Variants in TMEM132C observed in about 807,000 individuals in gnomAD.
TMEM132C encodes transmembrane protein 132C, also known as protein phosphatase 1, regulatory subunit 152.
TMEM132C carries 29 observed loss-of-function variants against 61.4 expected under a neutral mutation model. That is an observed-to-expected ratio of 0.47 (90% CI 0.35 to 0.64). TMEM132C has a LOEUF of 0.64. TMEM132C is among the 30% of genes least tolerant of loss of function. TMEM132C has a pLI of 0.00. For missense variants in TMEM132C, 1,408 were observed against 1,476.9 expected, an observed-to-expected ratio of 0.95 and a Z score of 0.76; for synonymous variants, 656 against 633.1, an observed-to-expected ratio of 1.04 and a Z score of -0.54.
intron 1 of TMEM132C, among the ~76,000 whole-genome samples, chr12:128,380,747 TA>T (rs948120855): frequency 3.3e-5 from 5 of 151,976 alleles, no homozygotes; most frequent in Non-Finnish European, 5.9e-5. Context: ...CCCATCTCTT[TA>T]AAAAAAAGAG....
intron 4 of TMEM132C, among the ~76,000 whole-genome samples, chr12:128,623,982 T>C (rs566778012): frequency 1.1e-4 from 17 of 152,244 alleles, no homozygotes; most frequent in African/African-American, 3.6e-4. Flanking sequence ...TCCAGGTCAA[T>C]TGGAGTTTGC....
rs75853892 is a variant in TMEM132C at position 128,429,179 on chromosome 12, T to C, written c.974+13559T>C. ...CACTTTCCCGGAGATATCTGCAATG[T>C]CTGGAGACATTTTTGGTTGTCAAAA... On this transcript the variant is annotated intron_variant, in intron 2 of 8. Coordinates refer to ENST00000435159, the MANE Select transcript of TMEM132C (RefSeq NM_001136103.3). Among the ~76,000 whole-genome samples the C allele has an allele frequency of 8.0e-3, 1,217 of 152,210 alleles. 17 individuals carry two copies. The highest frequency in any genetic ancestry group is 0.028 in the African/African-American group (1,147 of 41,514).
At chr12:128,620,147 G>A (rs531195739) in intron 4 of TMEM132C, among the ~76,000 whole-genome samples, 5 of 148,236 alleles carry the variant, frequency 3.4e-5, no homozygotes, top group African/African-American at 7.6e-5. Context: ...TGGGAGGATC[G>A]CTTAAGCCCA....
chr12:128,610,087 A>T (rs1334554912), intron 3 of TMEM132C, among the ~76,000 whole-genome samples: 1 of 152,246 alleles, frequency 6.6e-6, no homozygotes, highest in Non-Finnish European at 1.5e-5. Context: ...AGATGTGAGT[A>T]TTGACATTAG....
chr12:128,406,191 G>A (rs997381186), intron 1 of TMEM132C, among the ~76,000 whole-genome samples: 7 of 152,180 alleles, frequency 4.6e-5, no homozygotes, highest in African/African-American at 1.7e-4. Flanking sequence ...GAGAAGTTCT[G>A]CCTTCCAGCA....
At chr12:128,682,137 T>A (rs1954640424) in intron 5 of TMEM132C, among the ~76,000 whole-genome samples, 1 of 152,174 alleles carries the variant, frequency 6.6e-6, no homozygotes, top group Non-Finnish European at 1.5e-5. Context: ...TCTGATTGGC[T>A]TAGGCCATCG....
chr12:128,360,964 C>A (rs1431130354), intron 1 of TMEM132C, among the ~76,000 whole-genome samples: 1 of 152,196 alleles, frequency 6.6e-6, no homozygotes, highest in Non-Finnish European at 1.5e-5. Flanking sequence ...TTCTCATTCA[C>A]TGACTCAACA....
chr12:128,413,271 C>T (rs1593044325), intron 1 of TMEM132C, among the ~76,000 whole-genome samples: 1 of 114,248 alleles, frequency 8.8e-6, no homozygotes, highest in East Asian at 3.2e-4. Flanking sequence ...TGCACTCCAG[C>T]CTGGGCGACA....
chr12:128,506,917 G>A (rs965909811), intron 2 of TMEM132C, among the ~76,000 whole-genome samples: 1 of 152,110 alleles, frequency 6.6e-6, no homozygotes, highest in African/African-American at 2.4e-5. Context: ...CTTTGCTGTA[G>A]CTGATGGGAA....
At chr12:128,572,234 C>A (rs940892517) in intron 3 of TMEM132C, among the ~76,000 whole-genome samples, 11 of 146,274 alleles carry the variant, frequency 7.5e-5, no homozygotes, top group African/African-American at 3.0e-4. Context: ...AGGCCTGGGT[C>A]ACAGGCCCAC....
chr12:128,605,204 G>A lies in TMEM132C; in HGVS notation c.1122-10948G>A, dbSNP rs373660377. On this transcript the variant is annotated intron_variant, in intron 3 of 8. Transcript: ENST00000435159. The stretch of plus-strand genomic sequence containing the variant: ...GCAATTATAGAGGCTGGCAAGTCCC[G>A]AAAACTGCAGTTGTCAAGCCGAAGA... 5.9e-5 allele frequency among the ~76,000 whole-genome samples: 9 copies of A among 152,180 alleles called. No individual in the cohort carries two copies. In the South Asian group the frequency reaches 1.7e-3, roughly 28 times the overall value.
intron 4 of TMEM132C, among the ~76,000 whole-genome samples, chr12:128,643,872 G>A (rs1954176268): frequency 6.6e-6 from 1 of 151,978 alleles, no homozygotes; most frequent in African/African-American, 2.4e-5. Flanking sequence ...TAAGTATGAT[G>A]TTACAGTAAT....
At chr12:128,412,865 C>T (rs1167326537) in intron 1 of TMEM132C, among the ~76,000 whole-genome samples, 7 of 152,192 alleles carry the variant, frequency 4.6e-5, no homozygotes. Context: ...TTTTTGAAAG[C>T]ACTCCATATT....
intron 5 of TMEM132C, among the ~76,000 whole-genome samples, chr12:128,685,347 A>G (rs1359618677): frequency 6.6e-6 from 1 of 152,144 alleles, no homozygotes; most frequent in African/African-American, 2.4e-5. Flanking sequence ...ATTGCAATTT[A>G]TTCTTGCTTA....
chr12:128,536,319 C>T (rs1018681182), intron 2 of TMEM132C, among the ~76,000 whole-genome samples: 3 of 151,992 alleles, frequency 2.0e-5, no homozygotes, highest in African/African-American at 7.3e-5. Flanking sequence ...CATGTTCTCA[C>T]TCATAGGTGG....
chr12:128,327,679 G>A (rs1044042959), intron 1 of TMEM132C, among the ~76,000 whole-genome samples: 19 of 152,226 alleles, frequency 1.2e-4, no homozygotes, highest in East Asian at 3.9e-4. Flanking sequence ...CACTGCGCCC[G>A]GCTGCAGCTT....
rs573464750 is a variant in TMEM132C, at chr12:128,281,810, G to C, written c.85+14323G>C. Reference sequence around the variant, plus strand: ...TTCCTGTTGGGTGGCCTCTGTTCAAGATTCCAGCTCCCACTGACCTTGAGG... The same window carrying C: ...TTCCTGTTGGGTGGCCTCTGTTCAACATTCCAGCTCCCACTGACCTTGAGG... On this transcript the variant is annotated intron_variant, in intron 1 of 8. Coordinates refer to ENST00000435159, the MANE Select transcript of TMEM132C (RefSeq NM_001136103.3). Among the ~76,000 whole-genome samples, 3 of 152,300 alleles carry C rather than the reference G, an allele frequency of 2.0e-5. No individual in the cohort carries two copies. In the East Asian group the frequency reaches 5.8e-4, roughly 29 times the overall value.
At position 128,624,543 on chromosome 12, in the gene TMEM132C, CAAAAAAA is replaced by C. The variant is rs752979852; in HGVS notation, c.1305+8226_1305+8232del. On this transcript the variant is annotated intron_variant, in intron 4 of 8. Transcript: ENST00000435159. ...TGGGTGATAGAGTGAGACTCCATCT[CAAAAAAA>C]AAAAAAAAAAAAAAAAAGGAATGAA... Among the ~76,000 whole-genome samples the C allele has an allele frequency of 7.0e-4, 23 of 32,908 alleles. No homozygotes were observed. In the South Asian group the frequency reaches 0.019, roughly 28 times the overall value. The allele number at this position is 32,908 out of a possible 152,430, so 21.6% of individuals were successfully genotyped here. A position where few individuals can be genotyped will look rare whatever the true frequency, so the allele number is the denominator to read the frequency against.
intron 2 of TMEM132C, among the ~76,000 whole-genome samples, chr12:128,469,712 ATG>A (rs1011101968): frequency 2.8e-4 from 42 of 150,596 alleles, no homozygotes; most frequent in South Asian, 1.1e-3. Context: ...ATATGCATTT[ATG>A]TGTGTGTGTA....
Sources: allele counts gnomAD v4.1 joint callset (sites outside exome capture counted in the v4.1 genomes callset), GRCh38; gene constraint gnomAD v4.1.1; transcripts MANE v1.5; gene names NCBI Gene and HGNC (gene_info 2026-07-23, HGNC 2026-07-21).